The following CDH12 variants were observed in gnomAD, a reference collection of about 807,000 sequenced individuals.
CDH12 encodes cadherin 12.
A neutral mutation model predicts 74.1 loss-of-function variants in CDH12; 41 were observed. That is an observed-to-expected ratio of 0.55 (90% CI 0.43 to 0.72). The LOEUF (loss-of-function observed/expected upper bound fraction) is 0.72. CDH12 is among the 30% of genes least tolerant of loss of function. CDH12 has a pLI of 0.00. For missense variants in CDH12, 945 were observed against 977.2 expected, an observed-to-expected ratio of 0.97 and a Z score of 0.44; for synonymous variants, 399 against 355.0, an observed-to-expected ratio of 1.12 and a Z score of -1.39.
chr5:21,849,059 TCA>T (rs1396705592), intron 7 of CDH12, among the ~76,000 whole-genome samples: 1 of 151,948 alleles, frequency 6.6e-6, no homozygotes, highest in Non-Finnish European at 1.5e-5. Context: ...AATGTGAAAC[TCA>T]CAATCTAATG....
At chr5:22,502,082 G>A (rs967495148) in intron 2 of CDH12, among the ~76,000 whole-genome samples, 1 of 152,056 alleles carries the variant, frequency 6.6e-6, no homozygotes, top group Admixed American at 6.6e-5. Flanking sequence ...ATAAAATAAA[G>A]GATTAGTGGA....
At chr5:21,780,986 C>A (rs1371775023) in intron 11 of CDH12, among the ~76,000 whole-genome samples, 1 of 151,962 alleles carries the variant, frequency 6.6e-6, no homozygotes, top group Admixed American at 6.6e-5. Context: ...GGATGGGAGC[C>A]CTTCAAGAAG....
chr5:22,404,185 TAC>T lies in CDH12; in HGVS notation c.-333+1070_-333+1071del, dbSNP rs547489990. Among the ~76,000 whole-genome samples, 21 of 151,300 alleles carry T rather than the reference TAC, an allele frequency of 1.4e-4. 1 individual carries two copies. Among genetic ancestry groups the T allele is most frequent in the East Asian group, 1.9e-4 (1 of 5,162 alleles). ...AAAAATAATATATATTTTATAAATT[TAC>T]ACACACACACACACAATTTTTTTTT... On this transcript the variant is annotated intron_variant, in intron 3 of 14. Transcript: ENST00000382254.
At chr5:22,324,240 G>T (rs996165356) in intron 3 of CDH12, among the ~76,000 whole-genome samples, 1 of 152,032 alleles carries the variant, frequency 6.6e-6, no homozygotes, top group Non-Finnish European at 1.5e-5. Flanking sequence ...TAGGAAGTTA[G>T]GAATGATTTC....
chr5:22,353,075 T>G (rs1277482479), intron 3 of CDH12, among the ~76,000 whole-genome samples: 2 of 152,180 alleles, frequency 1.3e-5, no homozygotes, highest in African/African-American at 4.8e-5. Flanking sequence ...TGACACAATT[T>G]GTGAAAACAA....
intron 4 of CDH12, among the ~76,000 whole-genome samples, chr5:22,084,620 C>G (rs1267027038): frequency 6.6e-6 from 1 of 152,112 alleles, no homozygotes; most frequent in African/African-American, 2.4e-5. Flanking sequence ...TTTTATAATC[C>G]TAAAATCCAT....
At chr5:21,793,430 T>C (rs1746613664) in intron 10 of CDH12, among the ~76,000 whole-genome samples, 1 of 151,798 alleles carries the variant, frequency 6.6e-6, no homozygotes, top group African/African-American at 2.4e-5. Flanking sequence ...TTATTGATAA[T>C]GTCCTGGTCA....
rs141499807 is a variant in CDH12, at chr5:21,826,230, A to C, written c.815-9098T>G. Among the ~76,000 whole-genome samples, 330 of 152,262 alleles carry C rather than the reference A, an allele frequency of 2.2e-3. 1 individual carries two copies. Among genetic ancestry groups the C allele is most frequent in the African/African-American group, 7.4e-3 (307 of 41,562 alleles). ...TTGGCAAAATATCATCTTATTCCAA[A>C]ACATTACTTGGATATCTCCAAGGTG... On this transcript the variant is annotated intron_variant, in intron 8 of 14. Coordinates refer to ENST00000382254, the MANE Select transcript of CDH12 (RefSeq NM_004061.5).
At chr5:22,497,713 G>T (rs1203152998) in intron 2 of CDH12, among the ~76,000 whole-genome samples, 1 of 140,440 alleles carries the variant, frequency 7.1e-6, no homozygotes, top group Non-Finnish European at 1.5e-5. Flanking sequence ...TGTGATCTCG[G>T]CTCACTGCAA....
At chr5:21,757,866 C>A (rs16888471) in intron 13 of CDH12, among the ~76,000 whole-genome samples, 5,298 of 152,278 alleles carry the variant, frequency 0.035, 112 homozygotes, top group Middle Eastern at 0.071. Flanking sequence ...TCTAGGGCAT[C>A]TATCATGAAG....
chr5:22,620,776 T>C (rs1014855696), intron 1 of CDH12, among the ~76,000 whole-genome samples: 1 of 152,118 alleles, frequency 6.6e-6, no homozygotes, highest in Non-Finnish European at 1.5e-5. Context: ...ATTTGGACAT[T>C]AAATCACACA....
chr5:22,261,193 A>G (rs1411004184), intron 3 of CDH12, among the ~76,000 whole-genome samples: 2 of 151,784 alleles, frequency 1.3e-5, no homozygotes, highest in South Asian at 2.1e-4. Context: ...TTTTTTTGCA[A>G]TAGACACATA....
intron 1 of CDH12, among the ~76,000 whole-genome samples, chr5:22,723,715 T>C (rs1744015711): frequency 6.6e-6 from 1 of 152,048 alleles, no homozygotes; most frequent in South Asian, 2.1e-4. Flanking sequence ...TCCTGTTTTC[T>C]AAAGATTTAT....
intron 4 of CDH12, among the ~76,000 whole-genome samples, chr5:22,154,118 T>G (rs1580333131): frequency 1.3e-5 from 2 of 150,090 alleles, no homozygotes; most frequent in East Asian, 3.9e-4. Flanking sequence ...ACAAAAAAAT[T>G]GAATATATTT....
At chr5:22,787,048 T>C (rs1747669816) in intron 1 of CDH12, among the ~76,000 whole-genome samples, 1 of 152,078 alleles carries the variant, frequency 6.6e-6, no homozygotes, top group African/African-American at 2.4e-5. Context: ...TTATTAATAC[T>C]AAGCTATACT....
chr5:22,032,219 G>T (rs186987412), intron 5 of CDH12, among the ~76,000 whole-genome samples: 1 of 151,792 alleles, frequency 6.6e-6, no homozygotes, highest in African/African-American at 2.4e-5. Context: ...TAGTTAAAAA[G>T]AAATACATTC....
chr5:22,791,427 TAAC>T (rs1747899264), intron 1 of CDH12, among the ~76,000 whole-genome samples: 1 of 152,042 alleles, frequency 6.6e-6, no homozygotes, highest in South Asian at 2.1e-4. Context: ...AAAAGGGAAA[TAAC>T]ACTGCCACCT....
At chr5:22,137,776 G>A (rs565571989) in intron 4 of CDH12, among the ~76,000 whole-genome samples, 1 of 152,186 alleles carries the variant, frequency 6.6e-6, no homozygotes, top group Admixed American at 6.6e-5. Context: ...AAATAAAGCA[G>A]TCTGATAATT....
chr5:22,528,065 T>G (rs1737369172), intron 1 of CDH12, among the ~76,000 whole-genome samples: 1 of 152,104 alleles, frequency 6.6e-6, no homozygotes, highest in African/African-American at 2.4e-5. Flanking sequence ...TGTCTCCTCA[T>G]GATCCACACT....
Sources: allele counts gnomAD v4.1 joint callset (sites outside exome capture counted in the v4.1 genomes callset), GRCh38; gene constraint gnomAD v4.1.1; transcripts MANE v1.5; gene names NCBI Gene and HGNC (gene_info 2026-07-23, HGNC 2026-07-21).